KATNBL1: variants seen among roughly 807,000 people sequenced by gnomAD.
KATNBL1 encodes KATNB1-like protein 1.
Under a neutral mutation model 44.7 loss-of-function variants are expected in KATNBL1, and 28 were observed. That is an observed-to-expected ratio of 0.63 (90% CI 0.46 to 0.86). KATNBL1 has a LOEUF of 0.86. KATNBL1 is among the 40% of genes least tolerant of loss of function. The pLI is 0.00. For synonymous variants in KATNBL1, 78 were observed against 114.9 expected, an observed-to-expected ratio of 0.68 and a Z score of 2.06; for missense variants, 272 against 350.7, an observed-to-expected ratio of 0.78 and a Z score of 1.79.
chr15:34,154,321 G>A (rs1888572123), intron 3 of KATNBL1, among the ~76,000 whole-genome samples: 1 of 152,222 alleles, frequency 6.6e-6, no homozygotes, highest in Non-Finnish European at 1.5e-5. Context: ...GCCTTTAGAA[G>A]TTAGGCAGAT....
At chr15:34,169,275 A>T (rs1042079480) in intron 1 of KATNBL1, among the ~76,000 whole-genome samples, 1 of 152,232 alleles carries the variant, frequency 6.6e-6, no homozygotes, top group Non-Finnish European at 1.5e-5. Flanking sequence ...CTGATGCCCC[A>T]GAAATACAAA....
chr15:34,196,288 C>A (rs1026481108), intron 1 of KATNBL1, among the ~76,000 whole-genome samples: 5 of 151,982 alleles, frequency 3.3e-5, no homozygotes, highest in African/African-American at 1.2e-4. Flanking sequence ...CATGGTGGCG[C>A]CTGCCTGTAA....
chr15:34,181,675 TAC>T (rs1390603393), intron 1 of KATNBL1, among the ~76,000 whole-genome samples: 2 of 87,952 alleles, frequency 2.3e-5, no homozygotes, highest in Middle Eastern at 6.5e-3. Context: ...TCCATATATA[TAC>T]ACATATATAT....
Position 34,147,287 on chromosome 15 carries a change from A to C in KATNBL1, c.611T>G (p.Leu204Ter). ...TGAGATATATTGTTTTTCTTCCTGT[A>C]AACTAAAATAAATACCAAGTTATAA... ...VDCLPVLTNC[L>*]QEEKQYISLG... is the part of the protein sequence containing the mutation. Residue 204 changes from leucine to a stop codon, truncating the protein, a stop_gained and splice_region_variant, in exon 7 of 10, where the codon TTA becomes TGA. Transcript: ENST00000256544. LOFTEE classifies it high-confidence loss of function. 6.2e-7 allele frequency: 1 copy of C among 1,608,852 alleles called. No individual in the cohort carries two copies. Among genetic ancestry groups the C allele is most frequent in the African/African-American group, 1.3e-5 (1 of 74,932 alleles).
At chr15:34,203,937 G>C (rs1164568176) in intron 1 of KATNBL1, among the ~76,000 whole-genome samples, 1 of 151,584 alleles carries the variant, frequency 6.6e-6, no homozygotes, top group East Asian at 1.9e-4. Flanking sequence ...GTAGATGACG[G>C]GTTAATGGGT....
intron 1 of KATNBL1, among the ~76,000 whole-genome samples, chr15:34,167,418 A>AACAAAGCC (rs1889013232): frequency 6.6e-6 from 1 of 152,214 alleles, no homozygotes; most frequent in Non-Finnish European, 1.5e-5. Context: ...AAAAGAAACG[A>AACAAAGCC]ACAAAGCCTC....
chr15:34,184,459 C>A (rs1426107819), intron 1 of KATNBL1, among the ~76,000 whole-genome samples: 1 of 148,052 alleles, frequency 6.8e-6, no homozygotes, highest in African/African-American at 2.5e-5. Flanking sequence ...GCACTTCAGC[C>A]TGGGCAACAG....
intron 1 of KATNBL1, among the ~76,000 whole-genome samples, chr15:34,165,730 G>C (rs1888949182): frequency 6.6e-6 from 1 of 152,088 alleles, no homozygotes; most frequent in African/African-American, 2.4e-5. Flanking sequence ...GGAGGCTGAG[G>C]TTGCAGTGAG....
chr15:34,197,221 A>C (rs1053907976), intron 1 of KATNBL1, among the ~76,000 whole-genome samples: 1 of 152,222 alleles, frequency 6.6e-6, no homozygotes, highest in African/African-American at 2.4e-5. Context: ...TGAAAAATTT[A>C]ATGTGAAGTT....
chr15:34,173,310 C>G (rs886891308), intron 1 of KATNBL1, among the ~76,000 whole-genome samples: 5 of 152,144 alleles, frequency 3.3e-5, no homozygotes, highest in Non-Finnish European at 7.4e-5. Flanking sequence ...ATCATTGCTA[C>G]ATTTCACAGT....
chr15:34,152,698 AATT>A, intron 4 of KATNBL1, 89 bp downstream of exon 4: 1 of 1,062,648 alleles, frequency 9.4e-7, no homozygotes, highest in South Asian at 1.6e-5. Context: ...ATAGGTGACA[AATT>A]ATTCTGCTAG....
chr15:34,184,605 C>T (rs1193956268), intron 1 of KATNBL1, among the ~76,000 whole-genome samples: 2 of 70,686 alleles, frequency 2.8e-5, no homozygotes, highest in African/African-American at 1.0e-4. Context: ...CAGAGTCTCG[C>T]TCTGTCACCC....
intron 1 of KATNBL1, among the ~76,000 whole-genome samples, chr15:34,183,791 G>C (rs1889631708): frequency 6.6e-6 from 1 of 152,224 alleles, no homozygotes; most frequent in Non-Finnish European, 1.5e-5. Context: ...CAGAGATCAA[G>C]TGATTCCATT....
chr15:34,189,682 G>A lies in KATNBL1; in HGVS notation c.-15+20269C>T, dbSNP rs185545944. 7.3e-3 allele frequency among the ~76,000 whole-genome samples: 1,118 copies of A among 152,186 alleles called. 12 individuals carry two copies. The highest frequency in any genetic ancestry group is 0.019 in the African/African-American group (793 of 41,538). ...TCCTAAACAAAAAGACTATAAAGAC[G>A]GCACAAAGCTAACTAAATCTGTCTC... On this transcript the variant is annotated intron_variant, in intron 1 of 9. Transcript: ENST00000256544.
At position 34,142,191 on chromosome 15, in the gene KATNBL1, G is replaced by C; in HGVS notation, c.*148C>G. The C allele has an allele frequency of 1.5e-6, 1 of 673,396 alleles. No homozygotes were observed. Among genetic ancestry groups the C allele is most frequent in the Non-Finnish European group, 2.2e-6 (1 of 449,638 alleles). 41.7% of individuals were successfully genotyped at this position (673,396 alleles called of 1,614,324 possible). On this transcript the variant is annotated 3_prime_UTR_variant, in exon 10 of 10. Coordinates refer to ENST00000256544, the MANE Select transcript of KATNBL1 (RefSeq NM_024713.3). ...GAAGCAGATTGCTGGGATTTCATTAGTGGTTTCATTACGTGGCTTTTTAAA... is the reference window on the plus strand; with the variant it reads ...GAAGCAGATTGCTGGGATTTCATTACTGGTTTCATTACGTGGCTTTTTAAA...
At chr15:34,153,425 G>A (rs1337332333) in intron 3 of KATNBL1, among the ~76,000 whole-genome samples, 1 of 152,218 alleles carries the variant, frequency 6.6e-6, no homozygotes, top group Non-Finnish European at 1.5e-5. Flanking sequence ...GACTGCAAGT[G>A]TGAATATTTT....
intron 1 of KATNBL1, among the ~76,000 whole-genome samples, chr15:34,194,593 C>T (rs946767282): frequency 3.3e-5 from 5 of 152,162 alleles, no homozygotes; most frequent in African/African-American, 1.2e-4. Flanking sequence ...CACTGCACTC[C>T]AGCCTAGAAA....
intron 8 of KATNBL1, 161 bp downstream of exon 8, chr15:34,146,600 G>T (rs552808033): frequency 1.2e-4 from 67 of 554,724 alleles, no homozygotes; most frequent in African/African-American, 1.2e-3. Flanking sequence ...TCCAGGTGTG[G>T]TTTTCACAAA....
At chr15:34,181,592 A>AT (rs776036644) in intron 1 of KATNBL1, among the ~76,000 whole-genome samples, 4 of 49,158 alleles carry the variant, frequency 8.1e-5, no homozygotes, top group Non-Finnish European at 1.7e-4. Flanking sequence ...ACATATATAT[A>AT]CACATATATA....
Sources: allele counts gnomAD v4.1 joint callset (sites outside exome capture counted in the v4.1 genomes callset), GRCh38; gene constraint gnomAD v4.1.1; transcripts MANE v1.5; gene names NCBI Gene and HGNC (gene_info 2026-07-23, HGNC 2026-07-21).